The following TLE4 variants were observed in gnomAD, a reference collection of about 807,000 sequenced individuals.
TLE4 encodes the protein transducin-like enhancer protein 4.
TLE4 carries 8 observed loss-of-function variants against 92.8 expected under a neutral mutation model. The ratio of observed to expected loss-of-function variants is 0.09; its 90% CI spans 0.05 to 0.16. The LOEUF (loss-of-function observed/expected upper bound fraction) is 0.16. Ranked by LOEUF, TLE4 falls within the 10% of genes least tolerant of loss-of-function variation. TLE4 has a pLI of 1.00. For missense variants in TLE4, 675 were observed against 997.6 expected (o/e 0.68, Z 4.36); for synonymous variants, 371 against 374.1 (o/e 0.99, Z 0.10).
chr9:79,578,563 C>T (rs1338475274), intron 4 of TLE4, among the ~76,000 whole-genome samples: 4 of 152,120 alleles, frequency 2.6e-5, no homozygotes, highest in Non-Finnish European at 5.9e-5. Flanking sequence ...GGTCGGTGTT[C>T]TCCCTCCTAC....
chr9:79,636,830 C>T (rs1009480805), intron 6 of TLE4, among the ~76,000 whole-genome samples: 4 of 152,078 alleles, frequency 2.6e-5, no homozygotes, highest in Admixed American at 6.6e-5. Context: ...ATTTTCAATA[C>T]GTATTTGTAT....
At chr9:79,714,994 A>G (rs2074198217) in intron 14 of TLE4, among the ~76,000 whole-genome samples, 1 of 152,196 alleles carries the variant, frequency 6.6e-6, no homozygotes, top group Non-Finnish European at 1.5e-5. Context: ...TTCTATGTAT[A>G]CTAATAGCAA....
chr9:79,649,833 A>G (rs2134132147), intron 6 of TLE4: 2 of 1,366,140 alleles, frequency 1.5e-6, no homozygotes, highest in East Asian at 4.5e-5. Context: ...AAAAAGAATA[A>G]AAGTGACACA....
At chr9:79,578,266 G>C (rs918378228) in intron 4 of TLE4, among the ~76,000 whole-genome samples, 2 of 152,146 alleles carry the variant, frequency 1.3e-5, no homozygotes, top group Non-Finnish European at 2.9e-5. Flanking sequence ...TCTCAAGATC[G>C]GGTTAGGTTT....
At chr9:79,697,310 T>C (rs1369975166) in intron 8 of TLE4, among the ~76,000 whole-genome samples, 1 of 152,182 alleles carries the variant, frequency 6.6e-6, no homozygotes, top group Non-Finnish European at 1.5e-5. Context: ...TTACAATTTC[T>C]GTTAGACTGT....
intron 3 of TLE4, among the ~76,000 whole-genome samples, chr9:79,575,394 A>G (rs920442970): frequency 1.3e-5 from 2 of 152,182 alleles, no homozygotes; most frequent in African/African-American, 4.8e-5. Context: ...AGTGATGGAT[A>G]AGGAAAGACA....
At chr9:79,595,471 T>A (rs1437091894) in intron 4 of TLE4, among the ~76,000 whole-genome samples, 1 of 152,242 alleles carries the variant, frequency 6.6e-6, no homozygotes, top group East Asian at 1.9e-4. Flanking sequence ...TTAACCGTTA[T>A]CTTTTTGCTG....
At chr9:79,649,271 TACAC>T (rs61394180) in intron 6 of TLE4, among the ~76,000 whole-genome samples, 21,003 of 146,694 alleles carry the variant, frequency 0.14, 1,625 homozygotes, top group African/African-American at 0.21. Flanking sequence ...CATACATACA[TACAC>T]ACACACACAC....
intron 4 of TLE4, among the ~76,000 whole-genome samples, chr9:79,579,195 T>C (rs79038292): frequency 1.3e-5 from 2 of 152,306 alleles, no homozygotes; most frequent in East Asian, 3.9e-4. Context: ...GGTTTAGTTG[T>C]TAAGTTTTTT....
intron 5 of TLE4, among the ~76,000 whole-genome samples, chr9:79,620,957 G>A (rs2050810635): frequency 6.6e-6 from 1 of 152,074 alleles, no homozygotes; most frequent in African/African-American, 2.4e-5. Flanking sequence ...ACTCTCTGTT[G>A]CGAAGACAAC....
In TLE4 at chr9:79,725,156, C is replaced by T. The variant is rs758867070; in HGVS notation, c.*12C>T. 6 of 1,587,998 alleles carry T rather than the reference C, an allele frequency of 3.8e-6. No individual in the cohort carries two copies. In the South Asian group the frequency reaches 5.5e-5, roughly 15 times the overall value. ...AAGTTATTTATTAAAGACAAATCTT[C>T]ATGCAGACTGGACTTCTCCTCCTGG... On this transcript the variant is annotated 3_prime_UTR_variant, in exon 20 of 20. Transcript: ENST00000376552.
chr9:79,637,876 G>A (rs577613879), intron 6 of TLE4, among the ~76,000 whole-genome samples: 123 of 152,140 alleles, frequency 8.1e-4, no homozygotes, highest in African/African-American at 2.7e-3. Context: ...TAGGAGAGGA[G>A]TATGTATAGT....
chr9:79,573,436 G>C, intron 1 of TLE4: 1 of 1,173,368 alleles, frequency 8.5e-7, no homozygotes. Context: ...GAGGGGAGAC[G>C]GGACTCGAAC....
At chr9:79,652,168 AC>A (rs2059121024) in intron 6 of TLE4, among the ~76,000 whole-genome samples, 1 of 151,784 alleles carries the variant, frequency 6.6e-6, no homozygotes, top group Non-Finnish European at 1.5e-5. Context: ...AGTAAATCTT[AC>A]GTAGGTGTTG....
intron 6 of TLE4, among the ~76,000 whole-genome samples, chr9:79,633,661 G>A (rs2054922618): frequency 6.6e-6 from 1 of 152,190 alleles, no homozygotes; most frequent in Admixed American, 6.5e-5. Context: ...CAAGCTTGCA[G>A]TTCCAGAGTG....
Position 79,627,362 on chromosome 9 carries a change from C to T in TLE4, c.316-12C>T. ...CAAATAATTGTATTCTGTTTCTGATCTTCATTTATAGCACCAGCAACAAGT... is the reference window on the plus strand; with the variant it reads ...CAAATAATTGTATTCTGTTTCTGATTTTCATTTATAGCACCAGCAACAAGT... On this transcript the variant is annotated splice_polypyrimidine_tract_variant and intron_variant, in intron 5 of 19. Coordinates refer to ENST00000376552, the MANE Select transcript of TLE4 (RefSeq NM_007005.6). The T allele has an allele frequency of 1.2e-6, 2 of 1,613,894 alleles. No homozygotes were observed. The highest frequency in any genetic ancestry group is 2.2e-5 in the South Asian group (2 of 91,082).
chr9:79,693,232 A>G (rs1246019335), intron 8 of TLE4, among the ~76,000 whole-genome samples: 3 of 152,152 alleles, frequency 2.0e-5, no homozygotes, highest in Admixed American at 6.5e-5. Context: ...TTCTTCAGAT[A>G]GAGGAATAAA....
In TLE4 at chr9:79,620,854, T is replaced by A. The variant is rs144870255; in HGVS notation, c.316-6520T>A. On this transcript the variant is annotated intron_variant, in intron 5 of 19. Coordinates refer to ENST00000376552, the MANE Select transcript of TLE4 (RefSeq NM_007005.6). ...GGACTCAGGGAGCTTTTTTTACTCA[T>A]GATGGAAGGCGAAGTGGTGAAAGCA... Among the ~76,000 whole-genome samples the A allele has an allele frequency of 2.8e-3, 433 of 152,230 alleles. 3 individuals carry two copies. The highest frequency in any genetic ancestry group is 9.5e-3 in the African/African-American group (396 of 41,538).
chr9:79,651,244 A>G (rs376000798), intron 6 of TLE4, among the ~76,000 whole-genome samples: 47 of 152,306 alleles, frequency 3.1e-4, no homozygotes, highest in African/African-American at 1.1e-3. Flanking sequence ...TTGTCATACA[A>G]TATTGCTAAG....
Sources: gnomAD v4.1 joint callset for allele counts (sites outside exome capture counted in the v4.1 genomes callset) on GRCh38, gnomAD v4.1.1 for gene constraint, MANE v1.5 for transcripts, NCBI Gene and HGNC (gene_info 2026-07-23, HGNC 2026-07-21) for gene names.